The following RNF180 variants were observed in gnomAD, a reference collection of about 807,000 sequenced individuals.
The protein encoded by RNF180 is E3 ubiquitin-protein ligase RNF180.
In RNF180, 38 loss-of-function variants were observed where a neutral mutation model predicts 59.2. That is an observed-to-expected ratio of 0.64 (90% CI 0.50 to 0.84). The LOEUF (loss-of-function observed/expected upper bound fraction) is 0.84, where lower values mean the gene tolerates loss of function less well. RNF180 is among the 40% of genes least tolerant of loss of function. The probability of loss-of-function intolerance (pLI) is 0.00; values close to 1 mark genes in which losing one functional copy is unlikely to be tolerated. For missense variants in RNF180, 705 were observed against 700.9 expected (o/e 1.01, Z -0.07); for synonymous variants, 262 against 240.3 (o/e 1.09, Z -0.84).
intron 7 of RNF180, among the ~76,000 whole-genome samples, chr5:64,351,406 GC>G (rs1220342041): frequency 2.0e-5 from 3 of 151,982 alleles, no homozygotes; most frequent in African/African-American, 7.2e-5. Flanking sequence ...TATTTCTCCT[GC>G]CTGATTGCCC....
At chr5:64,337,776 GA>G (rs1227891566) in intron 7 of RNF180, among the ~76,000 whole-genome samples, 4 of 151,266 alleles carry the variant, frequency 2.6e-5, no homozygotes, top group Non-Finnish European at 5.9e-5. Context: ...TTGTCCTTGC[GA>G]TAGTTTACTG....
At chr5:64,236,086 A>G (rs532259904) in intron 5 of RNF180, among the ~76,000 whole-genome samples, 17 of 152,356 alleles carry the variant, frequency 1.1e-4, no homozygotes, top group African/African-American at 4.1e-4. Context: ...AGGTTGGAAC[A>G]GTTTGGAGGG....
chr5:64,364,458 G>A (rs1580316482), intron 7 of RNF180, among the ~76,000 whole-genome samples: 2 of 151,874 alleles, frequency 1.3e-5, no homozygotes, highest in Middle Eastern at 6.8e-3. Context: ...TTGATGTGCT[G>A]ATAAATTCAA....
intron 5 of RNF180, among the ~76,000 whole-genome samples, chr5:64,281,054 G>A (rs1376650947): frequency 1.3e-5 from 2 of 152,072 alleles, no homozygotes; most frequent in Non-Finnish European, 2.9e-5. Flanking sequence ...AGGTATTTTT[G>A]TGTGTGTGGT....
Position 64,183,726 on chromosome 5 carries a change from G to T in RNF180, c.1-17082G>T, listed in dbSNP as rs565066425. The stretch of plus-strand genomic sequence containing the variant: ...GCCGCTGAAAGTGCTGGGGTTACAG[G>T]CGTGAGCCACTGTTCCCAGTCAAAA... On this transcript the variant is annotated intron_variant, in intron 1 of 7. Transcript: ENST00000389100. 9.9e-5 allele frequency among the ~76,000 whole-genome samples: 15 copies of T among 152,248 alleles called. 2 individuals are homozygous for T. Among genetic ancestry groups the T allele is most frequent in the African/African-American group, 3.6e-4 (15 of 41,550 alleles).
At chr5:64,272,391 G>A (rs1224994106) in intron 5 of RNF180, among the ~76,000 whole-genome samples, 1 of 151,924 alleles carries the variant, frequency 6.6e-6, no homozygotes, top group Non-Finnish European at 1.5e-5. Flanking sequence ...TCCCAGAGAA[G>A]AATGGTACAT....
At chr5:64,190,103 G>T (rs981862213) in intron 1 of RNF180, among the ~76,000 whole-genome samples, 1 of 152,054 alleles carries the variant, frequency 6.6e-6, no homozygotes, top group Non-Finnish European at 1.5e-5. Flanking sequence ...TAGCCTTAGG[G>T]GCAAGGCTGC....
At chr5:64,242,321 A>T (rs1395282254) in intron 5 of RNF180, among the ~76,000 whole-genome samples, 1 of 152,216 alleles carries the variant, frequency 6.6e-6, no homozygotes, top group Non-Finnish European at 1.5e-5. Flanking sequence ...AGATCAGTGC[A>T]TGAGAACAGA....
chr5:64,235,723 T>C (rs999009250), intron 5 of RNF180, among the ~76,000 whole-genome samples: 1 of 152,120 alleles, frequency 6.6e-6, no homozygotes, highest in Non-Finnish European at 1.5e-5. Flanking sequence ...GGTGATTGGA[T>C]AATGGGAGTG....
chr5:64,239,824 G>C (rs1302152965), intron 5 of RNF180, among the ~76,000 whole-genome samples: 1 of 152,152 alleles, frequency 6.6e-6, no homozygotes, highest in Non-Finnish European at 1.5e-5. Flanking sequence ...CAGGGGAACA[G>C]ATCTGTACCT....
chr5:64,276,509 GTATGACA>G lies in RNF180; in HGVS notation c.1228-48675_1228-48669del, dbSNP rs1741730072. On this transcript the variant is annotated intron_variant, in intron 5 of 7. Coordinates refer to ENST00000389100, the MANE Select transcript of RNF180 (RefSeq NM_001113561.2). Reference sequence around the variant, plus strand: ...TGACCTCTTTATTCTTTAAAGTAATGTATGACATGCCTGTGACTGAAGATTTAACAGA... The same window carrying G: ...TGACCTCTTTATTCTTTAAAGTAATGTGCCTGTGACTGAAGATTTAACAGA... Among the ~76,000 whole-genome samples the G allele has an allele frequency of 2.0e-5, 3 of 151,980 alleles. No homozygotes were observed. In the South Asian group the frequency reaches 6.2e-4, roughly 32 times the overall value.
intron 5 of RNF180, among the ~76,000 whole-genome samples, chr5:64,315,093 G>A (rs566789407): frequency 1.3e-5 from 2 of 152,178 alleles, no homozygotes; most frequent in South Asian, 2.1e-4. Flanking sequence ...GAAGATATTC[G>A]TTTACTGAAT....
intron 5 of RNF180, among the ~76,000 whole-genome samples, chr5:64,301,947 A>C (rs930564552): frequency 1.3e-5 from 2 of 151,660 alleles, no homozygotes; most frequent in Admixed American, 6.6e-5. Context: ...GCAATAATAC[A>C]ACTTAACACA....
intron 5 of RNF180, among the ~76,000 whole-genome samples, chr5:64,261,604 A>T (rs1325135716): frequency 1.3e-5 from 2 of 152,294 alleles, no homozygotes; most frequent in Middle Eastern, 3.4e-3. Flanking sequence ...CTTATCACAC[A>T]CAGTGAACTC....
At chr5:64,323,570 C>T (rs1202724770) in intron 5 of RNF180, among the ~76,000 whole-genome samples, 1 of 151,858 alleles carries the variant, frequency 6.6e-6, no homozygotes, top group African/African-American at 2.4e-5. Context: ...AATATAATAA[C>T]AGTAAACACT....
At chr5:64,342,284 C>T (rs1378731952) in intron 7 of RNF180, among the ~76,000 whole-genome samples, 2 of 152,064 alleles carry the variant, frequency 1.3e-5, no homozygotes, top group African/African-American at 2.4e-5. Flanking sequence ...ATGATCAGAG[C>T]CCCCTAAGAA....
intron 7 of RNF180, among the ~76,000 whole-genome samples, chr5:64,350,343 T>C (rs1745747514): frequency 6.6e-6 from 1 of 152,028 alleles, no homozygotes; most frequent in Non-Finnish European, 1.5e-5. Flanking sequence ...ATTGCAAAAA[T>C]TTTCTCCCGT....
chr5:64,308,664 C>T (rs1326348392), intron 5 of RNF180, among the ~76,000 whole-genome samples: 2 of 151,592 alleles, frequency 1.3e-5, no homozygotes, highest in African/African-American at 4.8e-5. Flanking sequence ...AGACTGGTTT[C>T]CTATTTTACT....
At chr5:64,302,271 T>A (rs966546435) in intron 5 of RNF180, among the ~76,000 whole-genome samples, 17 of 151,626 alleles carry the variant, frequency 1.1e-4, no homozygotes, top group South Asian at 8.3e-4. Context: ...CAATAGCAAT[T>A]TTGAAATCCC....
Sources: gnomAD v4.1 joint callset for allele counts (sites outside exome capture counted in the v4.1 genomes callset) on GRCh38, gnomAD v4.1.1 for gene constraint, MANE v1.5 for transcripts, NCBI Gene and HGNC (gene_info 2026-07-23, HGNC 2026-07-21) for gene names.